The following VGLL4 variants were observed in gnomAD, a reference collection of about 807,000 sequenced individuals.
The protein encoded by VGLL4 is vestigial like family member 4, also known as transcription cofactor vestigial-like protein 4.
In VGLL4, 7 loss-of-function variants were observed where a neutral mutation model predicts 21.0. The observed-to-expected ratio is 0.33, with a 90% CI of 0.19 to 0.63. VGLL4 has a LOEUF of 0.63. VGLL4 is among the 20% of genes least tolerant of loss of function. The pLI is 0.78. For synonymous variants in VGLL4, 222 were observed against 173.2 expected (o/e 1.28, Z -2.21); for missense variants, 394 against 425.7 (o/e 0.93, Z 0.66).
At chr3:11,632,620 A>C (rs2075506545) in intron 1 of VGLL4, among the ~76,000 whole-genome samples, 1 of 152,190 alleles carries the variant, frequency 6.6e-6, no homozygotes, top group Non-Finnish European at 1.5e-5. Flanking sequence ...CATCCTCTCA[A>C]ATTCATATTC....
intron 3 of VGLL4, among the ~76,000 whole-genome samples, chr3:11,562,063 A>G (rs1002129187): frequency 6.6e-6 from 1 of 151,840 alleles, no homozygotes; most frequent in African/African-American, 2.4e-5. Context: ...ACGCCTGGCT[A>G]ATTTTTGTAC....
At chr3:11,640,171 T>G (rs372772799) in intron 1 of VGLL4, among the ~76,000 whole-genome samples, 20 of 152,292 alleles carry the variant, frequency 1.3e-4, no homozygotes, top group African/African-American at 4.8e-4. Flanking sequence ...CATTGAGAGC[T>G]TGCACTGATT....
chr3:11,632,307 T>C (rs1377780435), intron 1 of VGLL4, among the ~76,000 whole-genome samples: 1 of 111,064 alleles, frequency 9.0e-6, no homozygotes, highest in Non-Finnish European at 1.9e-5. Context: ...AGCAACACTC[T>C]GTCTCAAAAA....
At chr3:11,579,369 GA>G (rs879384148) in intron 2 of VGLL4, among the ~76,000 whole-genome samples, 1 of 152,038 alleles carries the variant, frequency 6.6e-6, no homozygotes, top group Admixed American at 6.6e-5. Flanking sequence ...GTTCCCACGG[GA>G]AAAAAACAGT....
rs993430277 is a variant in VGLL4, at chr3:11,590,686, G to C, written c.272+11147C>G. 3.6e-3 allele frequency among the ~76,000 whole-genome samples: 538 copies of C among 150,992 alleles called. 2 individuals carry two copies. The highest frequency in any genetic ancestry group is 5.9e-3 in the Admixed American group (89 of 15,204). ...AGAGTGTGTGTGTGTGTGTGTGTGT[G>C]TGTGTGTGTGTGTGTGTGTGTGTGT... On this transcript the variant is annotated intron_variant, in intron 2 of 4. Transcript: ENST00000430365.
chr3:11,637,057 A>G (rs756653035), intron 1 of VGLL4, among the ~76,000 whole-genome samples: 3 of 85,022 alleles, frequency 3.5e-5, no homozygotes, highest in South Asian at 7.2e-4. Flanking sequence ...TATACAGGGT[A>G]AAAAAAAAAA....
At chr3:11,659,669 A>G (rs1240098507) in intron 2 of VGLL4, among the ~76,000 whole-genome samples, 1 of 137,512 alleles carries the variant, frequency 7.3e-6, no homozygotes, top group Admixed American at 7.4e-5. Context: ...GGGATTTCAT[A>G]AAAAAAGTGG....
At chr3:11,625,002 AGATCT>A (rs1237309593) in intron 1 of VGLL4, among the ~76,000 whole-genome samples, 1 of 152,250 alleles carries the variant, frequency 6.6e-6, no homozygotes, top group Admixed American at 6.5e-5. Flanking sequence ...GGGGATCTGC[AGATCT>A]GCCTTCTCAA....
intron 1 of VGLL4, among the ~76,000 whole-genome samples, chr3:11,713,532 T>C (rs1303396479): frequency 1.4e-5 from 2 of 147,342 alleles, no homozygotes; most frequent in African/African-American, 5.1e-5. Context: ...TCATGTTCTA[T>C]ATCTACCTCC....
intron 1 of VGLL4, among the ~76,000 whole-genome samples, chr3:11,638,686 G>A (rs967433769): frequency 6.6e-6 from 1 of 152,150 alleles, no homozygotes; most frequent in South Asian, 2.1e-4. Flanking sequence ...CACTTGATAT[G>A]CAGGGCTGGG....
In VGLL4 at chr3:11,573,291, GAAAGAAAGAAAGA is replaced by G. The variant is rs1559869754; in HGVS notation, c.273-8285_273-8273del. Among the ~76,000 whole-genome samples the G allele has an allele frequency of 4.4e-3, 48 of 10,926 alleles. 1 individual carries two copies. The highest frequency in any genetic ancestry group is 0.026 in the Middle Eastern group (1 of 38). The allele number at this position is 10,926 out of a possible 152,430, so 7.2% of individuals were successfully genotyped here. A position where few individuals can be genotyped will look rare whatever the true frequency, so the allele number is the denominator to read the frequency against. ...AGAAAGAAAGAAAGAAAGAAAGAAAGAAAGAAAGAAAGAAAGGAAGGAAGGAAGAAAGAAAGAA... is the reference window on the plus strand; with the variant it reads ...AGAAAGAAAGAAAGAAAGAAAGAAAGAAGGAAGGAAGGAAGAAAGAAAGAA... On this transcript the variant is annotated intron_variant, in intron 2 of 4. Coordinates refer to ENST00000430365, the MANE Select transcript of VGLL4 (RefSeq NM_001128219.3).
chr3:11,709,523 C>T (rs1478026033), intron 1 of VGLL4, among the ~76,000 whole-genome samples: 2 of 150,402 alleles, frequency 1.3e-5, no homozygotes, highest in East Asian at 1.9e-4. Context: ...TATCTATTCA[C>T]CTTTTTCGTG....
At position 11,633,676 on chromosome 3, in the gene VGLL4, C is replaced by CA. The variant is rs374897971; in HGVS notation, c.82+9760dup. 412 of 151,358 alleles carry CA rather than the reference C, an allele frequency of 2.7e-3. 2 individuals are homozygous for CA. The highest frequency in any genetic ancestry group is 8.3e-3 in the African/African-American group (340 of 41,166). 9.4% of individuals were successfully genotyped at this position (151,358 alleles called of 1,614,324 possible). ...AGAGCAAGACACCGTCTCAAAAAAA[C>CA]AAAAAAAAGATGAAGAAAAGAAGGC... is the stretch of plus-strand genomic sequence containing the variant. On this transcript the variant is annotated intron_variant, in intron 1 of 4. Transcript: ENST00000430365.
chr3:11,682,524 G>C (rs1482127333), intron 2 of VGLL4, among the ~76,000 whole-genome samples: 1 of 151,798 alleles, frequency 6.6e-6, no homozygotes, highest in Non-Finnish European at 1.5e-5. Context: ...GCTGCAATGA[G>C]CCAAGATCTC....
At chr3:11,601,690 T>A in intron 2 of VGLL4, 143 bp downstream of exon 2, 1 of 1,062,176 alleles carries the variant, frequency 9.4e-7, no homozygotes, top group East Asian at 2.7e-5. Context: ...TTTTGGCAGA[T>A]GAATACTATT....
chr3:11,568,243 C>T lies in VGLL4; in HGVS notation c.273-3224G>A, dbSNP rs1018215608. On this transcript the variant is annotated intron_variant, in intron 2 of 4. Coordinates refer to ENST00000430365, the MANE Select transcript of VGLL4 (RefSeq NM_001128219.3). This position sits in a 1 kb window ranked among gnomAD's most constrained non-coding sequence, Gnocchi z 5.9. Reference sequence around the variant, plus strand: ...CATAAGGCACTGCCCACCCCTCGCACCTTATGTCCTAGGGGCACGGCACAG... The same window carrying T: ...CATAAGGCACTGCCCACCCCTCGCATCTTATGTCCTAGGGGCACGGCACAG... 6.6e-6 allele frequency among the ~76,000 whole-genome samples: 1 copy of T among 152,200 alleles called. No homozygotes were observed.
At chr3:11,660,405 T>G (rs1342554090) in intron 2 of VGLL4, among the ~76,000 whole-genome samples, 1 of 152,212 alleles carries the variant, frequency 6.6e-6, no homozygotes, top group Non-Finnish European at 1.5e-5. Flanking sequence ...ATCTCCCCTG[T>G]AGACCAAACC....
intron 2 of VGLL4, among the ~76,000 whole-genome samples, chr3:11,572,021 C>G (rs777147870): frequency 1.3e-5 from 2 of 152,122 alleles, no homozygotes; most frequent in African/African-American, 4.8e-5. Context: ...GTGGGAGGAT[C>G]ACCTGAGCCC....
At chr3:11,609,541 G>A (rs1299814479) in intron 1 of VGLL4, among the ~76,000 whole-genome samples, 1 of 152,214 alleles carries the variant, frequency 6.6e-6, no homozygotes, top group Non-Finnish European at 1.5e-5. Context: ...ATAGAATCTG[G>A]TTCACCAAAT....
Sources: allele counts gnomAD v4.1 joint callset (sites outside exome capture counted in the v4.1 genomes callset), GRCh38; gene constraint gnomAD v4.1.1; non-coding constraint Gnocchi (gnomAD v3.1); transcripts MANE v1.5; gene names NCBI Gene and HGNC (gene_info 2026-07-23, HGNC 2026-07-21).